The following ZFYVE26 variants were observed in gnomAD, a reference collection of about 807,000 sequenced individuals.
The protein encoded by ZFYVE26 is zinc finger FYVE-type containing 26, also known as zinc finger FYVE domain-containing protein 26.
In ZFYVE26, 181 loss-of-function variants were observed where a neutral mutation model predicts 276.5. The ratio of observed to expected loss-of-function variants is 0.65; its 90% CI spans 0.58 to 0.74. The LOEUF is 0.74. Among genes scored for constraint, ZFYVE26 ranks in the 30% least tolerant of loss-of-function variants. The pLI is 0.00. For missense variants in ZFYVE26, 2,821 were observed against 3,097.9 expected (o/e 0.91, Z 2.12); for synonymous variants, 1,129 against 1,203.1 (o/e 0.94, Z 1.27).
intron 9 of ZFYVE26, among the ~76,000 whole-genome samples, chr14:67,802,611 C>A (rs2040100723): frequency 6.6e-6 from 1 of 152,190 alleles, no homozygotes; most frequent in Non-Finnish European, 1.5e-5. Context: ...CTTGCCTCAC[C>A]CTAGTTGCAG....
intron 40 of ZFYVE26, chr14:67,751,378 C>T (rs1341076295): frequency 5.8e-6 from 3 of 514,372 alleles, no homozygotes; most frequent in Admixed American, 6.4e-5. Flanking sequence ...GTCCCCTGCT[C>T]CTGGGAGGTC....
chr14:67,730,732 T>C (rs1481655372), intron 13 of ZFYVE26, among the ~76,000 whole-genome samples: 1 of 152,072 alleles, frequency 6.6e-6, no homozygotes, highest in Admixed American at 6.6e-5. Context: ...GCCTCCTGAG[T>C]AGCTGGGATT....
In ZFYVE26 at chr14:67,748,599, T is replaced by C; in HGVS notation, c.7457A>G (p.Tyr2486Cys). ...YLICCKLRSA[Y>C]LIAVKQEHSR... ...GTGTTCTTGCTTCACAGCAATCAAG[T>C]AGGCAGAACGCAGTTTGCAACATAT... The change falls in exon 42 of 42, where the codon TAC becomes TGC. Residue 2486 changes from tyrosine (Y) to cysteine (C), a missense_variant. By Grantham distance (194) the Tyr-to-Cys change is radical. Coordinates refer to ENST00000347230, the MANE Select transcript of ZFYVE26 (RefSeq NM_015346.4). The C allele has an allele frequency of 6.2e-7, 1 of 1,614,106 alleles. No homozygotes were observed. Among genetic ancestry groups the C allele is most frequent in the Non-Finnish European group, 8.5e-7 (1 of 1,180,032 alleles).
In ZFYVE26 at chr14:67,793,749, C is replaced by T. The variant is rs1412341484; in HGVS notation, c.2412G>A (p.Leu804=). Residue 804 remains leucine (L), a synonymous_variant, in exon 14 of 42, where the codon CTG becomes CTA. Transcript: ENST00000347230. ...GCTCATTCCGGCCAGACATGGCACT[C>T]AGACTTCCCTCTGTTGGGACACAAG... The part of the protein sequence containing the change: ...ELSTSTSEGS[L]SAMSGRNELH... 8 of 1,613,774 alleles carry T rather than the reference C, an allele frequency of 5.0e-6. No individual in the cohort carries two copies. The highest frequency in any genetic ancestry group is 6.8e-6 in the Non-Finnish European group (8 of 1,179,960).
Position 67,746,690 on chromosome 14 carries a change from T to C in ZFYVE26, c.*1746A>G, listed in dbSNP as rs1331285199. 4 of 152,518 alleles carry C rather than the reference T, an allele frequency of 2.6e-5. No homozygotes were observed. Among genetic ancestry groups the C allele is most frequent in the Admixed American group, 2.6e-4 (4 of 15,278 alleles). 9.4% of individuals were successfully genotyped at this position (152,518 alleles called of 1,614,324 possible). A position where few individuals can be genotyped will look rare whatever the true frequency, so the allele number is the denominator to read the frequency against. On this transcript the variant is annotated 3_prime_UTR_variant, in exon 42 of 42. Coordinates refer to ENST00000347230, the MANE Select transcript of ZFYVE26 (RefSeq NM_015346.4). The stretch of plus-strand genomic sequence containing the variant: ...TCAGTGGTTGCCTATAATTTGATAG[T>C]TCAATGAGTTAGAGGAAAATGTCAG...
Position 67,802,097 on chromosome 14 carries a change from C to CA in ZFYVE26, c.1620dup (p.Asp541Ter), listed in dbSNP as rs1211362433. On this transcript the variant is annotated frameshift_variant, in exon 10 of 42. Transcript: ENST00000347230. LOFTEE classifies it high-confidence loss of function. ...GCTGTACCTGGGGAGGAGAGAGAGTCATTCGCTGGCTCTGTAGCTGAGGCC... is the reference window on the plus strand; with the variant it reads ...GCTGTACCTGGGGAGGAGAGAGAGTCAATTCGCTGGCTCTGTAGCTGAGGCC... 1 of 1,613,184 alleles carries CA rather than the reference C, an allele frequency of 6.2e-7. No individual in the cohort carries two copies. Among genetic ancestry groups the CA allele is most frequent in the African/African-American group, 1.3e-5 (1 of 75,024 alleles).
chr14:67,747,304 G>A lies in ZFYVE26; in HGVS notation c.*1132C>T, dbSNP rs1329497010. 2 of 152,150 alleles carry A rather than the reference G, an allele frequency of 1.3e-5. No homozygotes were observed. Among genetic ancestry groups the A allele is most frequent in the African/African-American group, 4.8e-5 (2 of 41,382 alleles). The allele number at this position is 152,150 out of a possible 1,614,324, so 9.4% of individuals were successfully genotyped here. On this transcript the variant is annotated 3_prime_UTR_variant, in exon 42 of 42. Coordinates refer to ENST00000347230, the MANE Select transcript of ZFYVE26 (RefSeq NM_015346.4). ...TTCATTATTCCCTCATTCTGACTCT[G>A]TCCAGAGGCCCAATTCCAAAGCCAA...
rs1265697885 is a variant in ZFYVE26 at position 67,785,289 on chromosome 14, A to T, written c.3305-12T>A. 6.3e-7 allele frequency: 1 copy of T among 1,582,662 alleles called. No homozygotes were observed. The highest frequency in any genetic ancestry group is 8.6e-7 in the Non-Finnish European group (1 of 1,164,640). ...AGGAGTCCTGGGCTCTGAGAGGAGGATGGCAGGAGAAAGGACACAGGCTTC... is the reference window on the plus strand; with the variant it reads ...AGGAGTCCTGGGCTCTGAGAGGAGGTTGGCAGGAGAAAGGACACAGGCTTC... On this transcript the variant is annotated splice_polypyrimidine_tract_variant and intron_variant, in intron 18 of 41. Transcript: ENST00000347230.
At position 67,789,495 on chromosome 14, in the gene ZFYVE26, T is replaced by A. The variant is rs189616103; in HGVS notation, c.2859A>T (p.Leu953=). The A allele has an allele frequency of 4.0e-5, 65 of 1,614,148 alleles. No homozygotes were observed. In the East Asian group the frequency reaches 5.1e-4, roughly 13 times the overall value. ...CTCTCAGGGGAGCAGTGGGCTCCAC[T>A]AGAGCCGTGCTTATCCAAAAGTCCT... The part of the protein sequence containing the change: ...LQEDFWISTA[L]VEPTAPLREV... The change falls in exon 16 of 42, where the codon CTA becomes CTT. Residue 953 remains leucine, a synonymous_variant. Coordinates refer to ENST00000347230, the MANE Select transcript of ZFYVE26 (RefSeq NM_015346.4).
chr14:67,777,466 A>G lies in ZFYVE26; in HGVS notation c.4974+93T>C, dbSNP rs564447494. ...AGTTCTGAAGAAGAGCTAGGCTCGC[A>G]GTCTCTCCCTCAGGTATGCCTTCCC... On this transcript the variant is annotated intron_variant, in intron 25 of 41. Transcript: ENST00000347230. The G allele has an allele frequency of 6.6e-5, 105 of 1,596,374 alleles. No individual in the cohort carries two copies. The Middle Eastern group carries it at 9.0e-4, about 14-fold the overall frequency.
intron 39 of ZFYVE26, among the ~76,000 whole-genome samples, 156 bp from the exon 40 acceptor site, chr14:67,752,682 G>A (rs954676619): frequency 1.3e-5 from 2 of 152,172 alleles, no homozygotes; most frequent in African/African-American, 2.4e-5. Context: ...AAAAGCAAGC[G>A]TCAATTCCTC....
chr14:67,804,225 G>T lies in ZFYVE26; in HGVS notation c.1311C>A (p.His437Gln), dbSNP rs148836697. 72 of 1,614,010 alleles carry T rather than the reference G, an allele frequency of 4.5e-5. No individual in the cohort carries two copies. Among genetic ancestry groups the T allele is most frequent in the Non-Finnish European group, 6.0e-5 (71 of 1,179,970 alleles). ...AGAGCACTGAGTGGCTGTCTCCACC[G>T]TGTAAATGATACAACAGATCTCTCT... is the stretch of plus-strand genomic sequence containing the variant. ...IPKRDLLYHL[H>Q]GGDSHSVLYT... Residue 437 changes from histidine (H) to glutamine (Q), a missense_variant, in exon 9 of 42, where the codon CAC (histidine) becomes CAA (glutamine). Coordinates refer to ENST00000347230, the MANE Select transcript of ZFYVE26 (RefSeq NM_015346.4).
chr14:67,777,865 T>A, intron 24 of ZFYVE26, 130 bp from the exon 25 acceptor site: 1 of 1,277,464 alleles, frequency 7.8e-7, no homozygotes. Context: ...CTCCTTTTTT[T>A]TTTTAACCAC....
chr14:67,749,434 T>C (rs2038577490), intron 41 of ZFYVE26, among the ~76,000 whole-genome samples: 1 of 152,150 alleles, frequency 6.6e-6, no homozygotes, highest in Non-Finnish European at 1.5e-5. Flanking sequence ...CCCAGCTTGG[T>C]GGAGACAAAA....
At chr14:67,772,251 T>C (rs2140207690) in intron 27 of ZFYVE26, 41 bp from the exon 28 acceptor site, 14 of 1,588,306 alleles carry the variant, frequency 8.8e-6, no homozygotes, top group Non-Finnish European at 1.2e-5. Context: ...AGGTAATCAA[T>C]ATACCAGCTT....
At position 67,807,469 on chromosome 14, in the gene ZFYVE26, A is replaced by C; in HGVS notation, c.815T>G (p.Leu272Arg). The change falls in exon 5 of 42, where the codon CTG (leucine) becomes CGG (arginine). Residue 272 changes from leucine (L) to arginine (R), a missense_variant. Coordinates refer to ENST00000347230, the MANE Select transcript of ZFYVE26 (RefSeq NM_015346.4). ...CLLHKASRGL[L>R]SLYGHTYAEK... ...TGCATAGGTATGGCCATACAGGGAC[A>C]GCAGGCCCCGGCTGGCCTTGTGCAG... is the stretch of plus-strand genomic sequence containing the variant. 6.2e-7 allele frequency: 1 copy of C among 1,614,146 alleles called. No homozygotes were observed. The highest frequency in any genetic ancestry group is 8.5e-7 in the Non-Finnish European group (1 of 1,179,988).
intron 26 of ZFYVE26, 77 bp downstream of exon 26, chr14:67,775,783 G>T: frequency 6.2e-7 from 1 of 1,608,112 alleles, no homozygotes; most frequent in Non-Finnish European, 8.5e-7. Context: ...ATTAAAAGGG[G>T]AGCAAATTAA....
chr14:67,774,015 G>C (rs1487121165), intron 27 of ZFYVE26, among the ~76,000 whole-genome samples: 2 of 152,292 alleles, frequency 1.3e-5, no homozygotes, highest in African/African-American at 4.8e-5. Context: ...GTATGAACTT[G>C]AGGGCTAAGT....
Position 67,772,121 on chromosome 14 carries a change from G to C in ZFYVE26, c.5410C>G (p.Pro1804Ala). Residue 1804 changes from proline (P) to alanine (A), a missense_variant, in exon 28 of 42, where the codon CCT (proline) becomes GCT (alanine). Pro to Ala is a conservative substitution (Grantham distance 27, BLOSUM62 -1). Transcript: ENST00000347230. Reference protein sequence around the residue: ...SQEFVPPATPPARHQWVPDET... With the variant: ...SQEFVPPATPAARHQWVPDET... ...TCCGGTACCCACTGGTGCCTGGCAG[G>C]GGGTGTCGCTGGGGGCACAAATTCC... 1 of 1,613,044 alleles carries C rather than the reference G, an allele frequency of 6.2e-7. No individual in the cohort carries two copies. Among genetic ancestry groups the C allele is most frequent in the Non-Finnish European group, 8.5e-7 (1 of 1,179,770 alleles).
Sources: gnomAD v4.1 joint callset for allele counts (sites outside exome capture counted in the v4.1 genomes callset) on GRCh38, gnomAD v4.1.1 for gene constraint, MANE v1.5 for transcripts, NCBI Gene and HGNC (gene_info 2026-07-23, HGNC 2026-07-21) for gene names.